CFAP161: variants seen among roughly 807,000 people sequenced by gnomAD.
The protein encoded by CFAP161 is cilia and flagella associated protein 161.
CFAP161 carries 25 observed loss-of-function variants against 29.0 expected under a neutral mutation model. The observed-to-expected ratio is 0.86, with a 90% CI of 0.63 to 1.20. CFAP161 has a LOEUF of 1.20. Ranked by LOEUF, CFAP161 falls within the 50% of genes most tolerant of loss-of-function variation. The pLI is 0.00. For synonymous variants in CFAP161, 116 were observed against 137.4 expected (o/e 0.84, Z 1.09); for missense variants, 367 against 371.9 (o/e 0.99, Z 0.11).
At chr15:81,116,279 T>A (rs549636486) in intron 1 of CFAP161, among the ~76,000 whole-genome samples, 1 of 152,166 alleles carries the variant, frequency 6.6e-6, no homozygotes, top group African/African-American at 2.4e-5. Context: ...ATTTCTTTTT[T>A]AAAAATTTTA....
chr15:81,113,938 CA>C (rs1156978248), intron 1 of CFAP161, among the ~76,000 whole-genome samples: 1 of 152,152 alleles, frequency 6.6e-6, no homozygotes, highest in Non-Finnish European at 1.5e-5. Flanking sequence ...TCAGTGTGAT[CA>C]AAAGGAGCTT....
upstream of CFAP161, among the ~76,000 whole-genome samples, chr15:81,130,094 C>T (rs2141873909): frequency 6.6e-6 from 1 of 152,248 alleles, no homozygotes; most frequent in Non-Finnish European, 1.5e-5. Context: ...ATGAAGATGG[C>T]TTTTTCCTTA....
chr15:81,133,772 T>A (rs1457073019), upstream of CFAP161, among the ~76,000 whole-genome samples: 4 of 152,142 alleles, frequency 2.6e-5, no homozygotes, highest in Admixed American at 1.3e-4. Flanking sequence ...AGAAATATAC[T>A]AACATGGTAT....
intron 1 of CFAP161, among the ~76,000 whole-genome samples, chr15:81,119,863 C>G (rs1253309958): frequency 2.0e-5 from 3 of 151,746 alleles, no homozygotes; most frequent in Non-Finnish European, 4.4e-5. Context: ...CAACACCAGC[C>G]TGGGCAACAC....
chr15:81,107,915 TTA>T (rs1426969333), intron 1 of CFAP161, among the ~76,000 whole-genome samples: 36 of 151,240 alleles, frequency 2.4e-4, no homozygotes, highest in Admixed American at 2.4e-3. Context: ...TCCTCCCCTC[TTA>T]TCACATTTTT....
intron 2 of CFAP161, among the ~76,000 whole-genome samples, chr15:81,129,097 G>A (rs577361489): frequency 2.6e-5 from 4 of 152,228 alleles, no homozygotes; most frequent in African/African-American, 9.6e-5. Flanking sequence ...CAGAGCTCTT[G>A]GGTGACTAGG....
intron 1 of CFAP161, among the ~76,000 whole-genome samples, chr15:81,111,642 G>A (rs1344327361): frequency 1.3e-5 from 2 of 152,150 alleles, no homozygotes; most frequent in African/African-American, 4.8e-5. Flanking sequence ...CGATGCTGAA[G>A]GTACTTTCCC....
chr15:81,115,192 G>C lies in CFAP161; in HGVS notation c.-141-12398G>C, dbSNP rs368335175. ...AACTCTTTCTTCATGGCCTTCTCTG[G>C]CTCTACTTGTCAGGGAATTTTTTCT... is the stretch of plus-strand genomic sequence containing the variant. On this transcript the variant is annotated intron_variant, in intron 1 of 4. Coordinates refer to the CFAP161 transcript ENST00000560091. Among the ~76,000 whole-genome samples, 7 of 152,084 alleles carry C rather than the reference G, an allele frequency of 4.6e-5. No homozygotes were observed. In the East Asian group the frequency reaches 7.7e-4, roughly 17 times the overall value.
At chr15:81,126,523 GT>G (rs1459043462) in intron 1 of CFAP161, among the ~76,000 whole-genome samples, 20 of 152,298 alleles carry the variant, frequency 1.3e-4, no homozygotes, top group African/African-American at 4.8e-4. Context: ...AATTTGAGCA[GT>G]TTATTTTTCT....
upstream of CFAP161, among the ~76,000 whole-genome samples, chr15:81,132,705 T>C (rs1894728358): frequency 6.6e-6 from 1 of 152,200 alleles, no homozygotes. Flanking sequence ...CATTAGAACC[T>C]TGTTAAAAAT....
At chr15:81,100,381 C>A (rs557128218) in intron 1 of CFAP161, among the ~76,000 whole-genome samples, 87 of 151,674 alleles carry the variant, frequency 5.7e-4, no homozygotes, top group African/African-American at 2.0e-3. Flanking sequence ...TGGAAAGGTA[C>A]GGCAGAGGCA....
chr15:81,137,984 A>G lies in CFAP161; in HGVS notation c.393-67A>G, dbSNP rs1894840429. 1.4e-5 allele frequency: 17 copies of G among 1,205,232 alleles called. No homozygotes were observed. The South Asian group carries it at 2.3e-4, about 16-fold the overall frequency. 74.7% of individuals were successfully genotyped at this position (1,205,232 alleles called of 1,614,324 possible). ...ATAAACAAAATTGCATGCATAAAAA[A>G]TAGAGTCATAGAATGATTCTAATAC... On this transcript the variant is annotated intron_variant, in intron 3 of 6. Coordinates refer to ENST00000286732, the MANE Select transcript of CFAP161 (RefSeq NM_173528.4).
At chr15:81,148,260 CGAGATTAAATTA>C (rs1895043640) in intron 6 of CFAP161, 66 bp from the exon 7 acceptor site, 2 of 1,384,150 alleles carry the variant, frequency 1.4e-6, no homozygotes, top group South Asian at 1.3e-5. Context: ...AAGGTGCTTT[CGAGATTAAATTA>C]TTAATAACAG....
chr15:81,118,805 G>C (rs1014683928), intron 1 of CFAP161, among the ~76,000 whole-genome samples: 1 of 152,202 alleles, frequency 6.6e-6, no homozygotes, highest in Non-Finnish European at 1.5e-5. Context: ...AAATACTCAC[G>C]AATAGTTTCT....
At chr15:81,147,806 C>CCAAAAAAAAAAAA in intron 5 of CFAP161, 52 bp from the exon 6 acceptor site, 1 of 1,199,004 alleles carries the variant, frequency 8.3e-7, no homozygotes. Context: ...TCCCTAAAAG[C>CCAAAAAAAAAAAA]AAAAAAAAAA....
upstream of CFAP161, among the ~76,000 whole-genome samples, chr15:81,133,346 C>A (rs1894749851): frequency 6.6e-6 from 1 of 151,372 alleles, no homozygotes; most frequent in Non-Finnish European, 1.5e-5. Context: ...GCTTGAGCCA[C>A]CACGCCAGCC....
rs764732248 is a variant in CFAP161, at chr15:81,148,458, C to G, written c.831C>G (p.Ser277=). The change falls in exon 7 of 7, where the codon TCC becomes TCG. Residue 277 remains serine, a synonymous_variant. Coordinates refer to ENST00000286732, the MANE Select transcript of CFAP161 (RefSeq NM_173528.4). ...GGAATCCCAGGGATGCCTCGTCCTCCATGTTGGATCTGCCCAAACCACCCA... is the reference window on the plus strand; with the variant it reads ...GGAATCCCAGGGATGCCTCGTCCTCGATGTTGGATCTGCCCAAACCACCCA... The part of the protein sequence containing the change: ...VTGNPRDASS[S]MLDLPKPPTE... 6.2e-7 allele frequency: 1 copy of G among 1,614,202 alleles called. No homozygotes were observed. Among genetic ancestry groups the G allele is most frequent in the South Asian group, 1.1e-5 (1 of 91,080 alleles).
intron 1 of CFAP161, among the ~76,000 whole-genome samples, chr15:81,111,929 C>T (rs1894444005): frequency 6.6e-6 from 1 of 152,134 alleles, no homozygotes; most frequent in African/African-American, 2.4e-5. Context: ...TGGATTATTG[C>T]CATTTTGTAG....
chr15:81,103,951 C>T (rs886070713), intron 1 of CFAP161, among the ~76,000 whole-genome samples: 6 of 140,668 alleles, frequency 4.3e-5, no homozygotes, highest in African/African-American at 1.5e-4. Flanking sequence ...CAGATGTCCT[C>T]TTCTATGTTG....
Sources: allele counts gnomAD v4.1 joint callset (sites outside exome capture counted in the v4.1 genomes callset), GRCh38; gene constraint gnomAD v4.1.1; transcripts MANE v1.5; gene names NCBI Gene and HGNC (gene_info 2026-07-23, HGNC 2026-07-21).